TDRD10: variants seen among roughly 807,000 people sequenced by gnomAD.
TDRD10 encodes the protein tudor domain containing 10.
TDRD10 carries 40 observed loss-of-function variants against 48.0 expected under a neutral mutation model. That is an observed-to-expected ratio of 0.83 (90% CI 0.65 to 1.09). TDRD10 has a LOEUF of 1.09. Among genes scored for constraint, TDRD10 ranks in the 50% least tolerant of loss-of-function variants. TDRD10 has a pLI of 0.00. For synonymous variants in TDRD10, 162 were observed against 170.4 expected (o/e 0.95, Z 0.38); for missense variants, 378 against 434.7 (o/e 0.87, Z 1.16).
intron 6 of TDRD10, among the ~76,000 whole-genome samples, chr1:154,523,997 G>A (rs56100876): frequency 0.015 from 2,307 of 151,956 alleles, 26 homozygotes; most frequent in Middle Eastern, 0.095. Context: ...TTCTCTGCTG[G>A]ACTTTTTCAT....
chr1:154,523,951 A>G (rs114377968), intron 6 of TDRD10, among the ~76,000 whole-genome samples: 42 of 152,276 alleles, frequency 2.8e-4, no homozygotes, highest in African/African-American at 9.9e-4. Flanking sequence ...TCTATTTTAG[A>G]TATTTTTCAA....
intron 4 of TDRD10, 148 bp from the exon 5 acceptor site, chr1:154,520,156 A>G (rs376834161): frequency 1.3e-5 from 8 of 604,212 alleles, no homozygotes. Context: ...TGCCTATCCT[A>G]CAAAACATGG....
At chr1:154,530,303 T>G (rs933009303) in intron 6 of TDRD10, among the ~76,000 whole-genome samples, 1 of 152,038 alleles carries the variant, frequency 6.6e-6, no homozygotes, top group Non-Finnish European at 1.5e-5. Flanking sequence ...GCATGAAGTG[T>G]CTGGCCTAAA....
At chr1:154,527,333 G>C (rs1297897072) in intron 6 of TDRD10, among the ~76,000 whole-genome samples, 2 of 152,196 alleles carry the variant, frequency 1.3e-5, no homozygotes, top group Admixed American at 6.5e-5. Context: ...CTCAAAAAGA[G>C]GCTCATTCGT....
intron 6 of TDRD10, among the ~76,000 whole-genome samples, chr1:154,531,694 T>C (rs1179672175): frequency 1.3e-5 from 2 of 152,176 alleles, no homozygotes; most frequent in East Asian, 3.9e-4. Context: ...GCTTCCACAG[T>C]GCGTAAGGGG....
intron 11 of TDRD10, 128 bp downstream of exon 11, chr1:154,545,077 CCA>C: frequency 3.1e-6 from 4 of 1,288,870 alleles, no homozygotes; most frequent in East Asian, 2.4e-5. Flanking sequence ...CCACCCAACC[CCA>C]GTTTTCAGCA....
intron 6 of TDRD10, among the ~76,000 whole-genome samples, chr1:154,527,355 A>G (rs906330426): frequency 3.3e-5 from 5 of 152,256 alleles, no homozygotes; most frequent in Admixed American, 6.5e-5. Flanking sequence ...CACAGAAACT[A>G]TTATTCAGGT....
intron 6 of TDRD10, among the ~76,000 whole-genome samples, chr1:154,526,369 T>C (rs1243683128): frequency 1.3e-5 from 2 of 151,780 alleles, no homozygotes; most frequent in African/African-American, 4.8e-5. Context: ...AGTGAGACCC[T>C]TTCTCTAAAA....
intron 6 of TDRD10, among the ~76,000 whole-genome samples, chr1:154,541,289 A>T (rs1695216283): frequency 1.5e-5 from 2 of 136,432 alleles, no homozygotes; most frequent in South Asian, 5.0e-4. Context: ...CAGGAGCGGG[A>T]GAGGGGTTGG....
intron 4 of TDRD10, among the ~76,000 whole-genome samples, chr1:154,519,311 G>C (rs926529042): frequency 4.6e-5 from 7 of 152,202 alleles, no homozygotes; most frequent in Admixed American, 1.3e-4. Context: ...TGAGAAAAAT[G>C]AGTTATACAT....
intron 6 of TDRD10, among the ~76,000 whole-genome samples, chr1:154,541,497 G>A (rs1008681381): frequency 6.6e-6 from 1 of 152,066 alleles, no homozygotes; most frequent in African/African-American, 2.4e-5. Context: ...CAGTGGGAAG[G>A]GGGATAGATA....
At chr1:154,531,454 G>A (rs891189513) in intron 6 of TDRD10, among the ~76,000 whole-genome samples, 2 of 152,160 alleles carry the variant, frequency 1.3e-5, no homozygotes, top group Admixed American at 6.5e-5. Flanking sequence ...ACTTCTGGTG[G>A]GTTCGTGGTC....
chr1:154,537,290 G>A (rs1365005321), intron 6 of TDRD10, among the ~76,000 whole-genome samples: 1 of 152,196 alleles, frequency 6.6e-6, no homozygotes, highest in African/African-American at 2.4e-5. Flanking sequence ...TACTTATTTA[G>A]TGTCTGCTGC....
At chr1:154,525,730 C>T (rs1453351497) in intron 6 of TDRD10, among the ~76,000 whole-genome samples, 1 of 151,830 alleles carries the variant, frequency 6.6e-6, no homozygotes, top group Non-Finnish European at 1.5e-5. Flanking sequence ...CCCATCTCTA[C>T]TAAAAAATAC....
At position 154,547,926 on chromosome 1, in the gene TDRD10, GAAC is replaced by G. The variant is rs924762739; in HGVS notation, c.*218_*220del. On this transcript the variant is annotated 3_prime_UTR_variant, in exon 13 of 13. Transcript: ENST00000368482. ...TGTCTTCAGTTCCCCAACTTGGCATGAACATTTGAACCAAACATAGGAAACTAC... is the reference window on the plus strand; with the variant it reads ...TGTCTTCAGTTCCCCAACTTGGCATGATTTGAACCAAACATAGGAAACTAC... The G allele has an allele frequency of 2.1e-4, 130 of 606,010 alleles. 1 individual carries two copies. The highest frequency in any genetic ancestry group is 2.0e-3 in the African/African-American group (109 of 54,058). 37.5% of individuals were successfully genotyped at this position (606,010 alleles called of 1,614,324 possible).
At chr1:154,540,733 T>C (rs1319093114) in intron 6 of TDRD10, among the ~76,000 whole-genome samples, 1 of 152,042 alleles carries the variant, frequency 6.6e-6, no homozygotes, top group Non-Finnish European at 1.5e-5. Flanking sequence ...CGTGGTACAT[T>C]GTTGATACCT....
intron 4 of TDRD10, among the ~76,000 whole-genome samples, chr1:154,514,073 C>T (rs1027047116): frequency 6.6e-6 from 1 of 152,124 alleles, no homozygotes; most frequent in African/African-American, 2.4e-5. Context: ...GCCTGTAATC[C>T]CAGCTACTCA....
chr1:154,543,950 G>T lies in TDRD10; in HGVS notation c.504-13G>T. On this transcript the variant is annotated splice_polypyrimidine_tract_variant and intron_variant, in intron 8 of 12. Transcript: ENST00000368482. Reference sequence around the variant, plus strand: ...AGTCGTTCCTTTCCTTGCTCCCCTTGCTCTTCCCGCAGAGGGTCCTTCCTG... The same window carrying T: ...AGTCGTTCCTTTCCTTGCTCCCCTTTCTCTTCCCGCAGAGGGTCCTTCCTG... The T allele has an allele frequency of 1.2e-5, 19 of 1,612,016 alleles. No individual in the cohort carries two copies. The highest frequency in any genetic ancestry group is 1.5e-5 in the Non-Finnish European group (18 of 1,178,842).
chr1:154,521,483 T>C lies in TDRD10; in HGVS notation c.369+4T>C. The C allele has an allele frequency of 6.2e-7, 1 of 1,613,404 alleles. No individual in the cohort carries two copies. Among genetic ancestry groups the C allele is most frequent in the Non-Finnish European group, 8.5e-7 (1 of 1,179,958 alleles). ...CCAGCAGCCTCGGGCCCCGCTGGTA[T>C]GTCTTCTGGCCTTTCTGCTCTGGGG... On this transcript the variant is annotated splice_donor_region_variant and intron_variant, in intron 6 of 12. Coordinates refer to ENST00000368482, the MANE Select transcript of TDRD10 (RefSeq NM_182499.4).
Sources: allele counts gnomAD v4.1 joint callset (sites outside exome capture counted in the v4.1 genomes callset), GRCh38; gene constraint gnomAD v4.1.1; transcripts MANE v1.5; gene names NCBI Gene and HGNC (gene_info 2026-07-23, HGNC 2026-07-21).